The following ZFHX3 variants were observed in gnomAD, a reference collection of about 807,000 sequenced individuals.
ZFHX3 encodes the protein zinc finger homeobox 3, also known as zinc finger homeobox protein 3.
ZFHX3 carries 42 observed loss-of-function variants against 279.1 expected under a neutral mutation model. The ratio of observed to expected loss-of-function variants is 0.15; its 90% CI spans 0.12 to 0.19. The LOEUF is 0.19. Ranked by LOEUF, ZFHX3 falls within the 10% of genes least tolerant of loss-of-function variation. ZFHX3 has a pLI of 1.00. For synonymous variants in ZFHX3, 2,293 were observed against 1,957.8 expected (o/e 1.17, Z -4.52); for missense variants, 4,981 against 4,754.0 (o/e 1.05, Z -1.40).
chr16:73,329,984 A>T (rs1467998295), intron 3 of ZFHX3, among the ~76,000 whole-genome samples: 1 of 152,124 alleles, frequency 6.6e-6, no homozygotes, highest in Admixed American at 6.5e-5. Flanking sequence ...CATCTTTCAC[A>T]GGGGCTGGGT....
rs141517437 is a variant in ZFHX3 at position 72,795,501 on chromosome 16, G to A, written c.7181C>T (p.Pro2394Leu). The change falls in exon 9 of 10, where the codon CCA becomes CTA. Residue 2394 changes from proline to leucine, a missense_variant. By Grantham distance (98) the Pro-to-Leu change is moderately conservative (BLOSUM62 -3). Around this residue, in one of 7 missense-constraint regions of ZFHX3, gnomAD observed 744 missense variants for 701.3 expected, o/e 1.06. Coordinates refer to ENST00000268489, the MANE Select transcript of ZFHX3 (RefSeq NM_006885.4). ...TPMPSQAYSA[P>L]APSANNTASS... ...AGCTGTATTATTGGCTGATGGTGCT[G>A]GGGCGCTGTAAGCCTGTGAGGGCAT... The A allele has an allele frequency of 1.1e-4, 176 of 1,614,020 alleles. No homozygotes were observed. Among genetic ancestry groups the A allele is most frequent in the Non-Finnish European group, 1.4e-4 (163 of 1,180,034 alleles).
intron 1 of ZFHX3, among the ~76,000 whole-genome samples, chr16:73,747,510 T>C (rs1454324585): frequency 2.0e-5 from 3 of 152,190 alleles, no homozygotes; most frequent in Non-Finnish European, 4.4e-5. Context: ...TTTCCAAGAT[T>C]TGTTTGTTTC....
intron 1 of ZFHX3, among the ~76,000 whole-genome samples, chr16:73,821,657 G>A (rs1358173082): frequency 6.6e-6 from 1 of 152,222 alleles, no homozygotes; most frequent in Non-Finnish European, 1.5e-5. Flanking sequence ...ATAGTCTGAG[G>A]TATGAGGAAG....
chr16:73,151,886 A>G (rs1261844160), intron 5 of ZFHX3, among the ~76,000 whole-genome samples: 1 of 151,788 alleles, frequency 6.6e-6, no homozygotes, highest in Non-Finnish European at 1.5e-5. Flanking sequence ...AAACAAAAAA[A>G]AAAAAAAAGA....
intron 2 of ZFHX3, among the ~76,000 whole-genome samples, chr16:73,651,565 C>T (rs948619143): frequency 3.3e-5 from 5 of 150,550 alleles, no homozygotes; most frequent in African/African-American, 7.3e-5. Flanking sequence ...AGGCCGGGCA[C>T]GGTGGCTCAC....
chr16:73,166,361 C>T (rs1233995505), intron 5 of ZFHX3, among the ~76,000 whole-genome samples: 1 of 152,104 alleles, frequency 6.6e-6, no homozygotes, highest in Admixed American at 6.5e-5. Flanking sequence ...AGAGACAAAT[C>T]AAGAAGGAAG....
Position 72,958,124 on chromosome 16 carries a change from G to C in ZFHX3, c.2022C>G (p.Pro674=). 4.3e-6 allele frequency: 7 copies of C among 1,614,184 alleles called. No individual in the cohort carries two copies. Among genetic ancestry groups the C allele is most frequent in the Non-Finnish European group, 5.9e-6 (7 of 1,180,038 alleles). ...GGTACTTATAGTGCCAGTTGCACTT[G>C]GGGCACTTGAGTGTCTTACACGAGT... ...SRNSCKTLKC[P]KCNWHYKYQQ... The change falls in exon 2 of 10, where the codon CCC becomes CCG. Residue 674 remains proline, a synonymous_variant. Coordinates refer to ENST00000268489, the MANE Select transcript of ZFHX3 (RefSeq NM_006885.4).
chr16:72,789,565 T>TA (rs1206659273), intron 9 of ZFHX3: 9 of 152,510 alleles, frequency 5.9e-5, no homozygotes, highest in African/African-American at 1.9e-4. Flanking sequence ...AAACAGGCTC[T>TA]ACAGGTGTTC....
At chr16:73,119,864 T>C (rs938037334) in intron 7 of ZFHX3, among the ~76,000 whole-genome samples, 4 of 152,134 alleles carry the variant, frequency 2.6e-5, no homozygotes, top group African/African-American at 9.6e-5. Flanking sequence ...ATTTTTACAT[T>C]TTTTGTTAGG....
chr16:72,997,859 C>T (rs552562375), intron 1 of ZFHX3, among the ~76,000 whole-genome samples: 4 of 151,300 alleles, frequency 2.6e-5, no homozygotes, highest in East Asian at 2.0e-4. Context: ...GCGGCAAGAT[C>T]GCTTGAGCCC....
chr16:73,540,348 T>C (rs1369438350), intron 2 of ZFHX3, among the ~76,000 whole-genome samples: 1 of 152,246 alleles, frequency 6.6e-6, no homozygotes, highest in Non-Finnish European at 1.5e-5. Flanking sequence ...ACTTTAATCA[T>C]CTATTTTCAA....
At chr16:73,620,185 G>A (rs1270893442) in intron 2 of ZFHX3, among the ~76,000 whole-genome samples, 3 of 152,180 alleles carry the variant, frequency 2.0e-5, no homozygotes, top group Admixed American at 6.5e-5. Context: ...ATGGGTGGGG[G>A]CACCCAGCAT....
rs1960933105 is a variant in ZFHX3 at position 72,950,485 on chromosome 16, C to T, written c.3200G>A (p.Ser1067Asn). The change falls in exon 3 of 10, where the codon AGC becomes AAC. Residue 1067 changes from serine (S) to asparagine (N), a missense_variant. By Grantham distance (46) the Ser-to-Asn change is conservative. Coordinates refer to ENST00000268489, the MANE Select transcript of ZFHX3 (RefSeq NM_006885.4). The stretch of plus-strand genomic sequence containing the variant: ...GGGCCTTACCTTGTACAACTTCAGG[C>T]TGGCCTCGTGCCTGGAGTTGACCGT... ...LHTVNSRHEA[S>N]LKLYKHLQQH... 1.2e-6 allele frequency: 2 copies of T among 1,613,702 alleles called. No individual in the cohort carries two copies. Among genetic ancestry groups the T allele is most frequent in the African/African-American group, 1.3e-5 (1 of 74,942 alleles).
In ZFHX3 at chr16:72,996,154, G is replaced by A. The variant is rs565334294; in HGVS notation, c.-49-35960C>T. ...CACACACGAGCCGGGCATGGTGGCG[G>A]GCACCTGTAATCTCAGCTACTCAGG... is the stretch of plus-strand genomic sequence containing the variant. On this transcript the variant is annotated intron_variant, in intron 1 of 9. Transcript: ENST00000268489. Among the ~76,000 whole-genome samples the A allele has an allele frequency of 1.1e-4, 16 of 151,892 alleles. 1 individual carries two copies. The East Asian group carries it at 3.1e-3, about 30-fold the overall frequency.
chr16:73,619,192 A>C (rs1434482090), intron 2 of ZFHX3, among the ~76,000 whole-genome samples: 2 of 152,096 alleles, frequency 1.3e-5, no homozygotes, highest in African/African-American at 2.4e-5. Flanking sequence ...GGAGAAAATA[A>C]AAATATAGGT....
intron 8 of ZFHX3, among the ~76,000 whole-genome samples, chr16:73,088,100 T>A (rs973926243): frequency 6.6e-6 from 1 of 152,126 alleles, no homozygotes; most frequent in African/African-American, 2.4e-5. Flanking sequence ...AGTGCTGGGA[T>A]TATAGGCGTG....
chr16:72,798,922 A>G (rs907107513), intron 8 of ZFHX3, among the ~76,000 whole-genome samples: 1 of 152,234 alleles, frequency 6.6e-6, no homozygotes, highest in Non-Finnish European at 1.5e-5. Flanking sequence ...CAGGGTGCAC[A>G]TGAACAGAGA....
At chr16:73,847,352 G>A (rs1166548199) in intron 1 of ZFHX3, among the ~76,000 whole-genome samples, 2 of 152,154 alleles carry the variant, frequency 1.3e-5, no homozygotes, top group Non-Finnish European at 2.9e-5. Context: ...AGGAACATGA[G>A]CATCAAACTA....
intron 4 of ZFHX3, among the ~76,000 whole-genome samples, chr16:73,258,692 T>C (rs1340162787): frequency 1.3e-5 from 2 of 152,206 alleles, no homozygotes; most frequent in African/African-American, 4.8e-5. Context: ...GAGAATAACC[T>C]AATAAAGACC....
Sources: allele counts gnomAD v4.1 joint callset (sites outside exome capture counted in the v4.1 genomes callset), GRCh38; gene constraint gnomAD v4.1.1; regional missense constraint gnomAD v4.1.1; transcripts MANE v1.5; gene names NCBI Gene and HGNC (gene_info 2026-07-23, HGNC 2026-07-21).